The following NPHP1 variants were observed in gnomAD, a reference collection of about 807,000 sequenced individuals.
NPHP1 encodes the protein nephrocystin-1.
NPHP1 carries 70 observed loss-of-function variants against 90.4 expected under a neutral mutation model. The observed-to-expected ratio is 0.77, with a 90% confidence interval of 0.64 to 0.95. The LOEUF is 0.95. NPHP1 is among the 40% of genes least tolerant of loss of function. The pLI, the probability that NPHP1 is intolerant of heterozygous loss-of-function variation, is 0.00. For missense variants in NPHP1, 764 were observed against 795.9 expected, an observed-to-expected ratio of 0.96 and a Z score of 0.48; for synonymous variants, 256 against 271.7, an observed-to-expected ratio of 0.94 and a Z score of 0.57.
intron 6 of NPHP1, among the ~76,000 whole-genome samples, chr2:110,167,689 G>A (rs1440970048): frequency 6.6e-6 from 1 of 152,120 alleles, no homozygotes; most frequent in Non-Finnish European, 1.5e-5. Flanking sequence ...ACTCGTGAAT[G>A]TATAGCCAGT....
chr2:110,187,950 C>A (rs1294221474), intron 2 of NPHP1, among the ~76,000 whole-genome samples: 1 of 152,012 alleles, frequency 6.6e-6, no homozygotes, highest in Non-Finnish European at 1.5e-5. Context: ...AAAAGGCTTT[C>A]AATAAAATTC....
rs1327440899 is a variant in NPHP1, at chr2:110,179,677, G to A, written c.151C>T (p.Gln51Ter). 3.0e-6 allele frequency: 4 copies of A among 1,315,434 alleles called. No individual in the cohort carries two copies. Among genetic ancestry groups the A allele is most frequent in the Non-Finnish European group, 4.4e-6 (4 of 916,040 alleles). The allele number at this position is 1,315,434 out of a possible 1,614,324, so 81.5% of individuals were successfully genotyped here. A position where few individuals can be genotyped will look rare whatever the true frequency, so the allele number is the denominator to read the frequency against. Residue 51 changes from glutamine to a stop codon, truncating the protein, a stop_gained, in exon 3 of 20, where the codon CAG becomes TAG. Coordinates refer to ENST00000445609, the MANE Select transcript of NPHP1 (RefSeq NM_001128178.3). LOFTEE classifies it high-confidence loss of function. ...KRQHIYQRCI[Q>*]LKQAIDENKN... ...TTTTCATCTATTGCCTGCTTTAACT[G>A]GATACATCTAAATTAAGAAAAAAAA... is the stretch of plus-strand genomic sequence containing the variant.
intron 2 of NPHP1, among the ~76,000 whole-genome samples, chr2:110,187,789 C>T (rs972440287): frequency 6.6e-6 from 1 of 152,120 alleles, no homozygotes; most frequent in Non-Finnish European, 1.5e-5. Context: ...CAAACCGAAT[C>T]CAGCAGCACA....
chr2:110,154,597 C>G (rs1383000491), intron 11 of NPHP1, among the ~76,000 whole-genome samples: 1 of 152,060 alleles, frequency 6.6e-6, no homozygotes, highest in Non-Finnish European at 1.5e-5. Context: ...GAGGTAGTCT[C>G]TGATGGAGAT....
intron 14 of NPHP1, among the ~76,000 whole-genome samples, chr2:110,146,245 C>G (rs897867724): frequency 3.3e-5 from 5 of 151,940 alleles, no homozygotes; most frequent in African/African-American, 1.2e-4. Flanking sequence ...TTTGAGAGTT[C>G]CTTTTATATT....
chr2:110,134,331 T>C (rs1255252271), intron 16 of NPHP1, among the ~76,000 whole-genome samples: 1 of 151,870 alleles, frequency 6.6e-6, no homozygotes, highest in African/African-American at 2.4e-5. Context: ...AGTAAGGAGA[T>C]TGAATCAGTA....
intron 4 of NPHP1, 78 bp from the exon 5 acceptor site, chr2:110,170,076 A>G (rs1315464303): frequency 2.6e-6 from 4 of 1,526,906 alleles, no homozygotes; most frequent in Non-Finnish European, 3.6e-6. Flanking sequence ...ACTTCTACAT[A>G]TACATGAATA....
At chr2:110,148,128 G>C (rs527404570) in intron 12 of NPHP1, 102 bp from the exon 13 acceptor site, 2 of 811,502 alleles carry the variant, frequency 2.5e-6, no homozygotes. Context: ...ATGTTGAATT[G>C]TAATCCCAAT....
At chr2:110,199,452 A>C (rs1369298852) in intron 2 of NPHP1, among the ~76,000 whole-genome samples, 2 of 151,704 alleles carry the variant, frequency 1.3e-5, no homozygotes, top group Non-Finnish European at 2.9e-5. Context: ...ATAAAACAAT[A>C]TGGCTGTTGA....
At chr2:110,162,887 C>A (rs1370216428) in intron 9 of NPHP1, among the ~76,000 whole-genome samples, 161 bp downstream of exon 9, 4 of 152,116 alleles carry the variant, frequency 2.6e-5, no homozygotes, top group Non-Finnish European at 4.4e-5. Context: ...GATCAGGGAT[C>A]TTTCCTCACT....
chr2:110,192,895 C>T (rs948529590), intron 2 of NPHP1, among the ~76,000 whole-genome samples: 2 of 152,092 alleles, frequency 1.3e-5, no homozygotes, highest in Non-Finnish European at 2.9e-5. Flanking sequence ...AATTTCATAT[C>T]CAGCCAAACT....
At chr2:110,160,374 CAT>C in intron 10 of NPHP1, 119 bp from the exon 11 acceptor site, 1 of 717,756 alleles carries the variant, frequency 1.4e-6, no homozygotes, top group South Asian at 1.9e-5. Context: ...AAAATTTACA[CAT>C]ATACAATAAA....
chr2:110,180,743 C>G (rs189872118), intron 2 of NPHP1, among the ~76,000 whole-genome samples: 25 of 152,238 alleles, frequency 1.6e-4, no homozygotes, highest in Admixed American at 1.0e-3. Context: ...GAACCCCCAT[C>G]CCCAACCAAG....
At chr2:110,166,026 A>C (rs1169615013) in intron 6 of NPHP1, among the ~76,000 whole-genome samples, 1 of 152,190 alleles carries the variant, frequency 6.6e-6, no homozygotes, top group African/African-American at 2.4e-5. Context: ...GGAGTACAGT[A>C]AATGCACATT....
intron 7 of NPHP1, 60 bp from the exon 8 acceptor site, chr2:110,164,790 G>A: frequency 7.2e-7 from 1 of 1,388,060 alleles, no homozygotes; most frequent in Non-Finnish European, 1.0e-6. Context: ...CTCAATTAGG[G>A]AACTTCTTTA....
intron 2 of NPHP1, among the ~76,000 whole-genome samples, chr2:110,192,764 C>T (rs1339253042): frequency 3.3e-5 from 5 of 152,086 alleles, no homozygotes; most frequent in African/African-American, 1.2e-4. Context: ...AGAGAAAGCT[C>T]GGGTTACCCA....
At chr2:110,164,112 C>T in intron 8 of NPHP1, 1 of 252,944 alleles carries the variant, frequency 4.0e-6, no homozygotes, top group Non-Finnish European at 7.7e-6. Context: ...TCACAGCTCA[C>T]TACAGCCTTG....
chr2:110,130,057 C>T (rs1175835215), intron 17 of NPHP1, among the ~76,000 whole-genome samples: 1 of 152,190 alleles, frequency 6.6e-6, no homozygotes, highest in Non-Finnish European at 1.5e-5. Context: ...ACTGTGCCAT[C>T]ACGTGGCTGA....
intron 2 of NPHP1, among the ~76,000 whole-genome samples, chr2:110,181,504 C>G (rs996906271): frequency 1.6e-4 from 25 of 152,070 alleles, no homozygotes; most frequent in African/African-American, 6.0e-4. Flanking sequence ...AAAACTGAGG[C>G]AATTAGGGTC....
Sources: gnomAD v4.1 joint callset for allele counts (sites outside exome capture counted in the v4.1 genomes callset) on GRCh38, gnomAD v4.1.1 for gene constraint, MANE v1.5 for transcripts, NCBI Gene and HGNC (gene_info 2026-07-23, HGNC 2026-07-21) for gene names.